PCDH15: variants seen among roughly 807,000 people sequenced by gnomAD.
PCDH15 encodes protocadherin related 15, also known as protocadherin-15.
A neutral mutation model predicts 178.5 loss-of-function variants in PCDH15; 129 were observed. That is an observed-to-expected ratio of 0.72 (90% confidence interval 0.63 to 0.84). The LOEUF (loss-of-function observed/expected upper bound fraction) is 0.84, where lower values mean the gene tolerates loss of function less well. Among genes scored for constraint, PCDH15 ranks in the 40% least tolerant of loss-of-function variants. PCDH15 has a pLI of 0.00. For missense variants in PCDH15, 2,230 were observed against 2,099.9 expected (o/e 1.06, Z -1.21); for synonymous variants, 800 against 732.0 (o/e 1.09, Z -1.50).
chr10:54,694,686 C>T (rs1214416197), intron 1 of PCDH15, among the ~76,000 whole-genome samples: 1 of 151,956 alleles, frequency 6.6e-6, no homozygotes, highest in Non-Finnish European at 1.5e-5. Context: ...CCACCACAAA[C>T]CAGGTCCATA....
chr10:55,221,005 G>T (rs1040826125), intron 1 of PCDH15, among the ~76,000 whole-genome samples: 2 of 151,966 alleles, frequency 1.3e-5, no homozygotes, highest in African/African-American at 4.8e-5. Context: ...TTAAAACCTG[G>T]AAACCACCCA....
At chr10:54,403,665 C>T (rs1006191640) in intron 3 of PCDH15, among the ~76,000 whole-genome samples, 9 of 151,852 alleles carry the variant, frequency 5.9e-5, no homozygotes, top group African/African-American at 2.2e-4. Context: ...CCTGCTAGCA[C>T]AAGACATGAA....
At chr10:54,721,498 A>G (rs1478045276) in intron 1 of PCDH15, among the ~76,000 whole-genome samples, 1 of 151,976 alleles carries the variant, frequency 6.6e-6, no homozygotes, top group Non-Finnish European at 1.5e-5. Flanking sequence ...CCAAGGAAAG[A>G]AAGAGATTCA....
intron 13 of PCDH15, among the ~76,000 whole-genome samples, chr10:54,160,745 G>T (rs943801778): frequency 2.6e-5 from 4 of 152,124 alleles, no homozygotes; most frequent in Non-Finnish European, 5.9e-5. Context: ...ATGAGTGAAA[G>T]ATTTGAATAG....
chr10:54,835,706 A>G (rs1269033391), intron 3 of PCDH15, among the ~76,000 whole-genome samples: 2 of 152,162 alleles, frequency 1.3e-5, no homozygotes, highest in East Asian at 3.9e-4. Context: ...TGAAAAAACC[A>G]ATATTACAGC....
intron 2 of PCDH15, among the ~76,000 whole-genome samples, chr10:55,041,129 T>A (rs535786097): frequency 6.6e-6 from 1 of 152,286 alleles, no homozygotes; most frequent in South Asian, 2.1e-4. Flanking sequence ...TAACCCCATG[T>A]CTATCATCCT....
At chr10:53,954,430 T>C (rs1226009401) in intron 23 of PCDH15, among the ~76,000 whole-genome samples, 1 of 152,190 alleles carries the variant, frequency 6.6e-6, no homozygotes, top group Non-Finnish European at 1.5e-5. Context: ...GGATTTTGTT[T>C]CTCTGTCTAG....
chr10:55,353,644 C>T (rs61851102), intron 2 of PCDH15, among the ~76,000 whole-genome samples: 4,639 of 152,096 alleles, frequency 0.031, 100 homozygotes, highest in Middle Eastern at 0.082. Context: ...GCACTGAGTC[C>T]TGTGTGGACT....
intron 20 of PCDH15, among the ~76,000 whole-genome samples, chr10:54,004,698 A>G (rs1351447753): frequency 6.6e-6 from 1 of 152,126 alleles, no homozygotes; most frequent in Non-Finnish European, 1.5e-5. Context: ...CATGGATTGC[A>G]ATAATCAATA....
At chr10:54,624,603 T>C (rs888722255) in intron 2 of PCDH15, among the ~76,000 whole-genome samples, 6 of 152,120 alleles carry the variant, frequency 3.9e-5, no homozygotes, top group African/African-American at 1.4e-4. Context: ...CATGGACCAG[T>C]ATGGGTCTGT....
chr10:54,849,750 C>A (rs894532972), intron 3 of PCDH15, among the ~76,000 whole-genome samples: 1 of 152,026 alleles, frequency 6.6e-6, no homozygotes, highest in Non-Finnish European at 1.5e-5. Flanking sequence ...TTTGCACCAA[C>A]CTAAATAGAT....
At position 54,821,839 on chromosome 10, in the gene PCDH15, A is replaced by T. The variant is rs73252079; in HGVS notation, c.-29+75611T>A. Among the ~76,000 whole-genome samples, 559 of 151,568 alleles carry T rather than the reference A, an allele frequency of 3.7e-3. 1 individual carries two copies. Among genetic ancestry groups the T allele is most frequent in the African/African-American group, 0.013 (537 of 41,382 alleles). ...GTAGGAACTCTAAGATTTTGGAGGA[A>T]TTTTTTTTTATGCCTGTTTGTTTCT... On this transcript the variant is annotated intron_variant, in intron 3 of 5. Coordinates refer to the PCDH15 transcript ENST00000458638.
At chr10:54,953,547 T>C (rs1838399571) in intron 2 of PCDH15, among the ~76,000 whole-genome samples, 1 of 151,466 alleles carries the variant, frequency 6.6e-6, no homozygotes, top group Non-Finnish European at 1.5e-5. Flanking sequence ...AGTTGATACC[T>C]GGGCTCTCCG....
intron 2 of PCDH15, among the ~76,000 whole-genome samples, chr10:55,568,825 T>C (rs542742829): frequency 3.3e-5 from 5 of 152,030 alleles, no homozygotes; most frequent in Non-Finnish European, 5.9e-5. Context: ...CAGCCTCACG[T>C]TATTCATCAT....
chr10:53,983,024 C>T (rs1416392591), intron 21 of PCDH15, among the ~76,000 whole-genome samples: 2 of 151,890 alleles, frequency 1.3e-5, no homozygotes, highest in Non-Finnish European at 2.9e-5. Flanking sequence ...TTATTATTAT[C>T]ATTAAAAACA....
intron 3 of PCDH15, among the ~76,000 whole-genome samples, chr10:54,895,598 C>G (rs1954531651): frequency 6.6e-6 from 1 of 152,154 alleles, no homozygotes; most frequent in African/African-American, 2.4e-5. Context: ...AGTAATTTAA[C>G]TATATGATGC....
At chr10:54,859,185 G>A (rs1213548624) in intron 3 of PCDH15, among the ~76,000 whole-genome samples, 1 of 152,000 alleles carries the variant, frequency 6.6e-6, no homozygotes, top group Non-Finnish European at 1.5e-5. Context: ...GAAATATGAA[G>A]CTGATTCCGT....
At chr10:54,557,854 A>G (rs1372138721) in intron 2 of PCDH15, among the ~76,000 whole-genome samples, 1 of 152,146 alleles carries the variant, frequency 6.6e-6, no homozygotes, top group East Asian at 1.9e-4. Flanking sequence ...TGGTTTGGTC[A>G]TGGGTTCCAT....
intron 2 of PCDH15, among the ~76,000 whole-genome samples, chr10:55,573,793 T>A (rs1842449168): frequency 6.6e-6 from 1 of 151,998 alleles, no homozygotes; most frequent in African/African-American, 2.4e-5. Context: ...TCTGACCCAT[T>A]TTCTGTGTAA....
Sources: allele counts gnomAD v4.1 joint callset (sites outside exome capture counted in the v4.1 genomes callset), GRCh38; gene constraint gnomAD v4.1.1; transcripts MANE v1.5; gene names NCBI Gene and HGNC (gene_info 2026-07-23, HGNC 2026-07-21).